The following MIR2052HG variants were observed in gnomAD, a reference collection of about 807,000 sequenced individuals.
MIR2052HG encodes the protein MIR2052 host gene.
chr8:74,652,306 C>T lies in MIR2052HG; in HGVS notation n.216+39366C>T, dbSNP rs74402675. 7.0e-3 allele frequency among the ~76,000 whole-genome samples: 1,061 copies of T among 152,212 alleles called. 17 individuals are homozygous for T. Among genetic ancestry groups the T allele is most frequent in the African/African-American group, 0.023 (955 of 41,534 alleles). ...CTCTGGCCAGTGAAATATAAGTGGA[C>T]GTGACACATAATATTTCTGGTTGGA... On this transcript the variant is annotated intron_variant and non_coding_transcript_variant, in intron 2 of 6. Coordinates refer to ENST00000523442, the Ensembl canonical transcript of MIR2052HG.
intron 4 of MIR2052HG, among the ~76,000 whole-genome samples, chr8:74,715,647 T>C (rs1170550873): frequency 6.6e-6 from 1 of 152,166 alleles, no homozygotes; most frequent in African/African-American, 2.4e-5. Flanking sequence ...GACCTGTACT[T>C]ATTTGTGTTT....
intron 2 of MIR2052HG, among the ~76,000 whole-genome samples, chr8:74,666,909 T>C (rs947690787): frequency 3.3e-5 from 5 of 152,136 alleles, no homozygotes; most frequent in African/African-American, 4.8e-5. Flanking sequence ...CTGTAATCAG[T>C]TGGAGTTTGG....
chr8:74,603,597 C>T (rs1244561476), intron 1 of MIR2052HG: 2 of 1,544,486 alleles, frequency 1.3e-6, no homozygotes, highest in Admixed American at 1.7e-5. Context: ...GAGACTGTTG[C>T]ATTGCCAACT....
rs117252127 is a variant in MIR2052HG, at chr8:74,677,044, G to A, written n.217-25335G>A. Among the ~76,000 whole-genome samples, 370 of 152,088 alleles carry A rather than the reference G, an allele frequency of 2.4e-3. 1 individual carries two copies. Among genetic ancestry groups the A allele is most frequent in the Non-Finnish European group, 3.7e-3 (251 of 67,870 alleles). ...AGAAAGAAATGTAAAAAGAACTTGT[G>A]TAACTATTTTAATATCAACACAAAA... is the stretch of plus-strand genomic sequence containing the variant. On this transcript the variant is annotated intron_variant and non_coding_transcript_variant, in intron 2 of 6. Coordinates refer to ENST00000523442, the Ensembl canonical transcript of MIR2052HG.
At chr8:74,608,398 C>T (rs71527271) in intron 1 of MIR2052HG, among the ~76,000 whole-genome samples, 2,854 of 152,058 alleles carry the variant, frequency 0.019, 28 homozygotes, top group Middle Eastern at 0.041. Flanking sequence ...TACTCAGTTA[C>T]GATAAGATGA....
At chr8:74,646,014 C>A (rs1042364266) in intron 2 of MIR2052HG, among the ~76,000 whole-genome samples, 2 of 152,128 alleles carry the variant, frequency 1.3e-5, no homozygotes, top group Non-Finnish European at 2.9e-5. Flanking sequence ...ATTTAATGAG[C>A]ACCTACTTAT....
intron 4 of MIR2052HG, among the ~76,000 whole-genome samples, chr8:74,742,098 G>A (rs752702672): frequency 1.2e-4 from 18 of 152,098 alleles, no homozygotes; most frequent in Non-Finnish European, 2.2e-4. Context: ...ATCACTGTAC[G>A]TAATTTAGAA....
chr8:74,667,313 G>A (rs1382329085), intron 2 of MIR2052HG, among the ~76,000 whole-genome samples: 3 of 152,112 alleles, frequency 2.0e-5, no homozygotes, highest in Admixed American at 6.6e-5. Flanking sequence ...CAATTCTGTG[G>A]TAGAGCATCC....
At chr8:74,610,291 T>TTTG (rs1808175790) in intron 1 of MIR2052HG, among the ~76,000 whole-genome samples, 2 of 151,934 alleles carry the variant, frequency 1.3e-5, no homozygotes, top group African/African-American at 4.8e-5. Context: ...GTGTTCTTAC[T>TTTG]TATGAAATAG....
chr8:74,637,070 A>G (rs1335196658), intron 2 of MIR2052HG, among the ~76,000 whole-genome samples: 92 of 152,186 alleles, frequency 6.0e-4, no homozygotes, highest in Admixed American at 6.0e-3. Context: ...AGTGATACAC[A>G]TATTTCATTG....
At chr8:74,626,217 G>T (rs1808434191) in intron 2 of MIR2052HG, among the ~76,000 whole-genome samples, 1 of 152,134 alleles carries the variant, frequency 6.6e-6, no homozygotes, top group Non-Finnish European at 1.5e-5. Context: ...AATTATCACT[G>T]GATACCTCTT....
At chr8:74,714,373 A>G (rs1382978355) in intron 4 of MIR2052HG, among the ~76,000 whole-genome samples, 4 of 152,180 alleles carry the variant, frequency 2.6e-5, no homozygotes, top group Non-Finnish European at 2.9e-5. Flanking sequence ...GTATCATTTC[A>G]TGGGTTTTAT....
intron 2 of MIR2052HG, among the ~76,000 whole-genome samples, chr8:74,626,095 T>C (rs1415236338): frequency 6.6e-6 from 1 of 152,126 alleles, no homozygotes; most frequent in South Asian, 2.1e-4. Flanking sequence ...CTCTCTACAA[T>C]GCAGCACTGG....
intron 1 of MIR2052HG, chr8:74,610,135 T>G (rs1022081898): frequency 2.6e-5 from 4 of 151,888 alleles, no homozygotes; most frequent in African/African-American, 9.7e-5. Context: ...AAAAAAATTC[T>G]ATGGAATCTT....
intron 2 of MIR2052HG, among the ~76,000 whole-genome samples, chr8:74,623,371 G>A (rs1336692182): frequency 6.6e-6 from 1 of 152,194 alleles, no homozygotes; most frequent in Non-Finnish European, 1.5e-5. Context: ...AGGCCCTGGG[G>A]CAAGAAGGAG....
intron 2 of MIR2052HG, among the ~76,000 whole-genome samples, chr8:74,681,104 C>A (rs1176074281): frequency 6.7e-6 from 1 of 149,926 alleles, no homozygotes; most frequent in Non-Finnish European, 1.5e-5. Context: ...GGGAGATATA[C>A]CTAATACTAG....
At chr8:74,743,650 G>T (rs962224243) in intron 4 of MIR2052HG, among the ~76,000 whole-genome samples, 1 of 152,204 alleles carries the variant, frequency 6.6e-6, no homozygotes, top group African/African-American at 2.4e-5. Context: ...AACATTCTGA[G>T]AAATTAAAGC....
intron 4 of MIR2052HG, among the ~76,000 whole-genome samples, chr8:74,728,553 T>G (rs561045386): frequency 6.6e-6 from 1 of 152,172 alleles, no homozygotes; most frequent in African/African-American, 2.4e-5. Context: ...GTGGGGAACA[T>G]AGACCACTAT....
At chr8:74,729,439 C>A (rs1459535457) in intron 4 of MIR2052HG, among the ~76,000 whole-genome samples, 1 of 152,156 alleles carries the variant, frequency 6.6e-6, no homozygotes, top group Non-Finnish European at 1.5e-5. Context: ...GACATGCTAT[C>A]AGCTGTAAGA....
Sources: allele counts gnomAD v4.1 joint callset (sites outside exome capture counted in the v4.1 genomes callset), GRCh38; gene constraint gnomAD v4.1.1; transcripts MANE v1.5; gene names NCBI Gene and HGNC (gene_info 2026-07-23, HGNC 2026-07-21).